The following SLC24A4 variants were observed in gnomAD, a reference collection of about 807,000 sequenced individuals.
SLC24A4 encodes the protein sodium/potassium/calcium exchanger 4.
A neutral mutation model predicts 79.0 loss-of-function variants in SLC24A4; 53 were observed. The ratio of observed to expected loss-of-function variants is 0.67; its 90% confidence interval spans 0.54 to 0.84. SLC24A4 has a LOEUF of 0.84. SLC24A4 is among the 40% of genes least tolerant of loss of function. The pLI is 0.00. For synonymous variants in SLC24A4, 323 were observed against 323.8 expected (o/e 1.00, Z 0.03); for missense variants, 731 against 822.0 (o/e 0.89, Z 1.35).
intron 2 of SLC24A4, among the ~76,000 whole-genome samples, chr14:92,375,090 T>C (rs56247408): frequency 0.032 from 4,802 of 152,296 alleles, 263 homozygotes; most frequent in African/African-American, 0.11. Context: ...AAAGACTAGA[T>C]TCCCCTCAAA....
At position 92,487,595 on chromosome 14, in the gene SLC24A4, G is replaced by A. The variant is rs924013792; in HGVS notation, c.1537+815G>A. Reference sequence around the variant, plus strand: ...GGAAAGGAAGAGTGGAAGTACGTTTGCTGGTCGGCAGGGCCCTGACAGCGA... The same window carrying A: ...GGAAAGGAAGAGTGGAAGTACGTTTACTGGTCGGCAGGGCCCTGACAGCGA... On this transcript the variant is annotated intron_variant, in intron 14 of 16. Transcript: ENST00000532405. Among the ~76,000 whole-genome samples, 4 of 152,300 alleles carry A rather than the reference G, an allele frequency of 2.6e-5. No homozygotes were observed. The South Asian group carries it at 8.3e-4, about 32-fold the overall frequency.
intron 2 of SLC24A4, among the ~76,000 whole-genome samples, chr14:92,331,322 C>T (rs1366239799): frequency 6.6e-6 from 1 of 152,172 alleles, no homozygotes; most frequent in East Asian, 1.9e-4. Context: ...CTCACTGTGT[C>T]ACCCAGGCTG....
intron 12 of SLC24A4, chr14:92,457,519 G>A (rs1893548135): frequency 6.6e-6 from 1 of 152,572 alleles, no homozygotes; most frequent in African/African-American, 2.4e-5. Flanking sequence ...AGGTACTTTT[G>A]TCTACTGCAT....
intron 2 of SLC24A4, among the ~76,000 whole-genome samples, chr14:92,330,884 CTG>C (rs1364979805): frequency 1.3e-5 from 2 of 152,216 alleles, no homozygotes; most frequent in Non-Finnish European, 2.9e-5. Flanking sequence ...AGGCTTCAAA[CTG>C]TGAATTTGCA....
intron 12 of SLC24A4, among the ~76,000 whole-genome samples, chr14:92,465,707 A>G (rs10129728): frequency 0.7 from 106,565 of 151,770 alleles, 37,950 homozygotes; most frequent in Non-Finnish European, 0.76. Context: ...CTGTGTGAGA[A>G]GGAGACCAAG....
rs1024515538 is a variant in SLC24A4, at chr14:92,497,544, C to G, written c.*3916C>G. On this transcript the variant is annotated 3_prime_UTR_variant, in exon 17 of 17. Coordinates refer to ENST00000532405, the MANE Select transcript of SLC24A4 (RefSeq NM_153646.4). Reference sequence around the variant, plus strand: ...GGACAGGAGAGGATCAGAGTTCATCCCCCCTGGGAAAGAGCAAGAGCGAAT... The same window carrying G: ...GGACAGGAGAGGATCAGAGTTCATCGCCCCTGGGAAAGAGCAAGAGCGAAT... 3 of 152,292 alleles carry G rather than the reference C, an allele frequency of 2.0e-5. No homozygotes were observed. The South Asian group carries it at 6.2e-4, about 32-fold the overall frequency. 9.4% of individuals were successfully genotyped at this position (152,292 alleles called of 1,614,324 possible).
chr14:92,366,043 A>G (rs761895460), intron 2 of SLC24A4, among the ~76,000 whole-genome samples: 5 of 152,252 alleles, frequency 3.3e-5, no homozygotes, highest in African/African-American at 7.2e-5. Context: ...GTTAATCTGC[A>G]CAGCCTTTTG....
At chr14:92,418,335 C>T (rs930759229) in intron 2 of SLC24A4, among the ~76,000 whole-genome samples, 19 of 152,164 alleles carry the variant, frequency 1.2e-4, no homozygotes, top group African/African-American at 4.3e-4. Flanking sequence ...GCCAGGCTGG[C>T]CTCCTGGTTC....
At position 92,381,959 on chromosome 14, in the gene SLC24A4, C is replaced by T. The variant is rs1032220676; in HGVS notation, c.242-51953C>T. Among the ~76,000 whole-genome samples, 3 of 152,094 alleles carry T rather than the reference C, an allele frequency of 2.0e-5. No individual in the cohort carries two copies. In the East Asian group the frequency reaches 5.8e-4, roughly 29 times the overall value. ...CACCTTTCAGAAATCTGTAGGAAAC[C>T]TAAGATAGGTTATTTTAAAAATGGA... is the stretch of plus-strand genomic sequence containing the variant. On this transcript the variant is annotated intron_variant, in intron 2 of 16. Coordinates refer to ENST00000532405, the MANE Select transcript of SLC24A4 (RefSeq NM_153646.4).
At position 92,359,539 on chromosome 14, in the gene SLC24A4, C is replaced by T. The variant is rs542742980; in HGVS notation, c.241+33561C>T. On this transcript the variant is annotated intron_variant, in intron 2 of 16. Transcript: ENST00000532405. ...GCGTGAACCTGGGAGGCGGAGGTTA[C>T]AGTGAGCCAAGATCGCACCATTACA... 1.1e-3 allele frequency among the ~76,000 whole-genome samples: 167 copies of T among 152,100 alleles called. 1 individual carries two copies. Among genetic ancestry groups the T allele is most frequent in the Middle Eastern group, 3.4e-3 (1 of 294 alleles).
chr14:92,428,520 A>G (rs1891690117), intron 2 of SLC24A4, among the ~76,000 whole-genome samples: 1 of 152,214 alleles, frequency 6.6e-6, no homozygotes, highest in Admixed American at 6.5e-5. Flanking sequence ...CGTATCAAGG[A>G]CAATGTCAGG....
chr14:92,392,564 G>A (rs866592629), intron 2 of SLC24A4, among the ~76,000 whole-genome samples: 2 of 151,532 alleles, frequency 1.3e-5, no homozygotes, highest in Admixed American at 6.6e-5. Flanking sequence ...GCGGCCAGTC[G>A]ATTGCTATGC....
At chr14:92,425,511 T>C (rs1395722765) in intron 2 of SLC24A4, among the ~76,000 whole-genome samples, 4 of 152,204 alleles carry the variant, frequency 2.6e-5, no homozygotes, top group African/African-American at 9.6e-5. Context: ...GAGGCTGTGG[T>C]CTGACATCCC....
chr14:92,361,782 G>A (rs536975935), intron 2 of SLC24A4, among the ~76,000 whole-genome samples: 1 of 152,168 alleles, frequency 6.6e-6, no homozygotes, highest in Admixed American at 6.5e-5. Flanking sequence ...GCTGGTGTGG[G>A]GTCCGATGAT....
At chr14:92,413,540 TAC>T (rs1890832897) in intron 2 of SLC24A4, among the ~76,000 whole-genome samples, 1 of 152,236 alleles carries the variant, frequency 6.6e-6, no homozygotes, top group Non-Finnish European at 1.5e-5. Context: ...TGTGTCTTGT[TAC>T]AGTCACCATT....
intron 2 of SLC24A4, among the ~76,000 whole-genome samples, chr14:92,410,847 G>A (rs1364207128): frequency 6.6e-6 from 1 of 152,152 alleles, no homozygotes; most frequent in Non-Finnish European, 1.5e-5. Flanking sequence ...ATCTGGATGT[G>A]GTGAATTGCA....
chr14:92,406,282 G>A (rs756729700), intron 2 of SLC24A4, among the ~76,000 whole-genome samples: 2 of 152,260 alleles, frequency 1.3e-5, no homozygotes, highest in Non-Finnish European at 2.9e-5. Context: ...CCCTGTGGCA[G>A]TTTTCACGGC....
At chr14:92,455,013 G>A (rs1176629666) in intron 11 of SLC24A4, among the ~76,000 whole-genome samples, 1 of 152,168 alleles carries the variant, frequency 6.6e-6, no homozygotes, top group African/African-American at 2.4e-5. Flanking sequence ...CTTTTTCATG[G>A]CATATATAGC....
At chr14:92,461,310 T>C (rs1316903679) in intron 12 of SLC24A4, among the ~76,000 whole-genome samples, 1 of 152,256 alleles carries the variant, frequency 6.6e-6, no homozygotes, top group African/African-American at 2.4e-5. Flanking sequence ...ACTTGCCATA[T>C]GTCAGGCACT....
Sources: allele counts gnomAD v4.1 joint callset (sites outside exome capture counted in the v4.1 genomes callset), GRCh38; gene constraint gnomAD v4.1.1; transcripts MANE v1.5; gene names NCBI Gene and HGNC (gene_info 2026-07-23, HGNC 2026-07-21).